Variants in AJAP1 observed in about 807,000 individuals in gnomAD.
AJAP1 encodes adherens junctions associated protein 1.
In AJAP1, 5 loss-of-function variants were observed where a neutral mutation model predicts 35.0. The observed-to-expected ratio is 0.14, with a 90% CI of 0.07 to 0.30. The LOEUF is 0.30. Among genes scored for constraint, AJAP1 ranks in the 10% least tolerant of loss-of-function variants. AJAP1 has a pLI of 1.00. For synonymous variants in AJAP1, 284 were observed against 249.3 expected (o/e 1.14, Z -1.31); for missense variants, 586 against 571.0 (o/e 1.03, Z -0.27).
chr1:4,774,204 C>T (rs1471408947), intron 4 of AJAP1, among the ~76,000 whole-genome samples: 1 of 152,254 alleles, frequency 6.6e-6, no homozygotes, highest in Non-Finnish European at 1.5e-5. Context: ...ATCCCTCAGT[C>T]TGTGTCTTCC....
chr1:4,762,041 C>A (rs530224800), intron 2 of AJAP1, among the ~76,000 whole-genome samples: 1 of 152,332 alleles, frequency 6.6e-6, no homozygotes, highest in South Asian at 2.1e-4. Flanking sequence ...CCCTTGTCAA[C>A]TTGAGCCCAT....
At chr1:4,712,936 C>T (rs879050295) in intron 2 of AJAP1, among the ~76,000 whole-genome samples, 3 of 152,240 alleles carry the variant, frequency 2.0e-5, no homozygotes, top group Non-Finnish European at 2.9e-5. Flanking sequence ...TAGAAGTGGG[C>T]GCTGCACCCC....
intron 1 of AJAP1, among the ~76,000 whole-genome samples, chr1:4,706,508 G>A (rs1157240202): frequency 2.0e-5 from 3 of 152,282 alleles, no homozygotes; most frequent in African/African-American, 4.8e-5. Context: ...ACGGGAAGTG[G>A]GTGTCTTCGT....
chr1:4,770,494 C>G (rs1488217033), intron 3 of AJAP1, among the ~76,000 whole-genome samples: 1 of 152,210 alleles, frequency 6.6e-6, no homozygotes, highest in Non-Finnish European at 1.5e-5. Context: ...GCCAGCCTTG[C>G]TGGGTGTACA....
rs1231837219 is a variant in AJAP1 at position 4,737,407 on chromosome 1, A to AT, written c.829+24717dup. ...CAAGGATGGGGACCTGTGGGGTGAGATTTTTTTTTCTGGGGCTCGTGTTGG... is the reference window on the plus strand; with the variant it reads ...CAAGGATGGGGACCTGTGGGGTGAGATTTTTTTTTTCTGGGGCTCGTGTTGG... On this transcript the variant is annotated intron_variant, in intron 2 of 5. Coordinates refer to ENST00000378191, the MANE Select transcript of AJAP1 (RefSeq NM_018836.4). 7.9e-4 allele frequency among the ~76,000 whole-genome samples: 119 copies of AT among 150,868 alleles called. 1 individual carries two copies. Among genetic ancestry groups the AT allele is most frequent in the African/African-American group, 1.2e-3 (49 of 41,070 alleles).
intron 2 of AJAP1, among the ~76,000 whole-genome samples, chr1:4,760,778 C>G (rs1641547402): frequency 2.0e-5 from 3 of 152,220 alleles, no homozygotes; most frequent in Admixed American, 1.3e-4. Flanking sequence ...GCAGGCTTGG[C>G]CTTCGCCAAG....
intron 1 of AJAP1, among the ~76,000 whole-genome samples, chr1:4,707,157 G>A (rs1282309078): frequency 2.0e-5 from 3 of 152,078 alleles, no homozygotes; most frequent in Non-Finnish European, 4.4e-5. Flanking sequence ...TGCAGCTCTG[G>A]GGGCCGCTCT....
At chr1:4,749,135 T>C (rs115089011) in intron 2 of AJAP1, among the ~76,000 whole-genome samples, 1 of 152,166 alleles carries the variant, frequency 6.6e-6, no homozygotes, top group South Asian at 2.1e-4. Flanking sequence ...CAACGTCATA[T>C]TCTCTGCTGG....
chr1:4,714,914 G>A (rs1282100408), intron 2 of AJAP1, among the ~76,000 whole-genome samples: 2 of 152,194 alleles, frequency 1.3e-5, no homozygotes, highest in Non-Finnish European at 2.9e-5. Flanking sequence ...TTAGACCAGA[G>A]CAGGAACAAT....
chr1:4,783,098 T>TA lies in AJAP1; in HGVS notation c.*621dup. On this transcript the variant is annotated 3_prime_UTR_variant, in exon 6 of 6. Transcript: ENST00000378191. The stretch of plus-strand genomic sequence containing the variant: ...TTTGAAGATCTTAAATGTTCCTTTT[T>TA]AAAAAAAAGAATTGTGTTATAGGTT... 2.9e-5 allele frequency: 10 copies of TA among 350,368 alleles called. No homozygotes were observed. Among genetic ancestry groups the TA allele is most frequent in the South Asian group, 1.5e-4 (1 of 6,638 alleles). 21.7% of individuals were successfully genotyped at this position (350,368 alleles called of 1,614,324 possible).
chr1:4,772,318 A>T lies in AJAP1; in HGVS notation c.956A>T (p.Gln319Leu), dbSNP rs760731339. ...QSGNTRRNSHQRKTNQQEESC... is the reference protein window; with the variant it reads ...QSGNTRRNSHLRKTNQQEESC... The stretch of plus-strand genomic sequence containing the variant: ...GGGAACACTCGTCGGAACAGCCACC[A>T]GCGGAAGACCAACCAGCAGGAGGAG... The change falls in exon 4 of 6, where the codon CAG becomes CTG. Residue 319 changes from glutamine to leucine, a missense_variant. Transcript: ENST00000378191. The T allele has an allele frequency of 1.9e-6, 3 of 1,614,168 alleles. No individual in the cohort carries two copies. The highest frequency in any genetic ancestry group is 2.5e-6 in the Non-Finnish European group (3 of 1,180,020).
At chr1:4,766,889 G>A (rs1248473622) in intron 2 of AJAP1, among the ~76,000 whole-genome samples, 1 of 152,108 alleles carries the variant, frequency 6.6e-6, no homozygotes, top group Non-Finnish European at 1.5e-5. Context: ...TAAAAAAAAT[G>A]TGGGGTGGAG....
At chr1:4,736,667 C>T (rs1640932377) in intron 2 of AJAP1, among the ~76,000 whole-genome samples, 1 of 152,248 alleles carries the variant, frequency 6.6e-6, no homozygotes, top group Non-Finnish European at 1.5e-5. Context: ...CTCTGTATAG[C>T]ACACGGCAGA....
In AJAP1 at chr1:4,670,098, T is replaced by C. The variant is rs193073170; in HGVS notation, c.29+14644T>C. 2.5e-3 allele frequency among the ~76,000 whole-genome samples: 378 copies of C among 152,310 alleles called. 1 individual carries two copies. Among genetic ancestry groups the C allele is most frequent in the Middle Eastern group, 0.01 (3 of 294 alleles). On this transcript the variant is annotated intron_variant, in intron 1 of 5. Coordinates refer to ENST00000378191, the MANE Select transcript of AJAP1 (RefSeq NM_018836.4). ...GCCCTGCACAGGGCTGGAAGGATGG[T>C]GACCCCCTACCATTTACAGGTGGCT...
chr1:4,743,203 G>A (rs1641110137), intron 2 of AJAP1, among the ~76,000 whole-genome samples: 1 of 152,196 alleles, frequency 6.6e-6, no homozygotes, highest in East Asian at 1.9e-4. Flanking sequence ...GCCCCACAGA[G>A]TGATTTTGGC....
chr1:4,669,833 T>C (rs771618550), intron 1 of AJAP1, among the ~76,000 whole-genome samples: 4 of 152,202 alleles, frequency 2.6e-5, no homozygotes, highest in Non-Finnish European at 5.9e-5. Context: ...ACATTTGGGT[T>C]GTTTCCACCT....
chr1:4,678,320 A>G (rs1639404813), intron 1 of AJAP1, among the ~76,000 whole-genome samples: 1 of 152,232 alleles, frequency 6.6e-6, no homozygotes. Flanking sequence ...CATACTGCTC[A>G]TTCACAAATG....
chr1:4,687,116 C>T (rs149166353), intron 1 of AJAP1, among the ~76,000 whole-genome samples: 5 of 152,218 alleles, frequency 3.3e-5, no homozygotes, highest in African/African-American at 1.2e-4. Context: ...CTTTTCCTCG[C>T]TCTTTCCTTT....
intron 1 of AJAP1, among the ~76,000 whole-genome samples, chr1:4,676,984 C>A (rs1232482909): frequency 6.6e-6 from 1 of 152,148 alleles, no homozygotes; most frequent in South Asian, 2.1e-4. Context: ...TGGTGAAACC[C>A]CGTCTCTACT....
Sources: allele counts gnomAD v4.1 joint callset (sites outside exome capture counted in the v4.1 genomes callset), GRCh38; gene constraint gnomAD v4.1.1; transcripts MANE v1.5; gene names NCBI Gene and HGNC (gene_info 2026-07-23, HGNC 2026-07-21).